The following GGA1 variants were observed in gnomAD, a reference collection of about 807,000 sequenced individuals.
The protein encoded by GGA1 is golgi associated, gamma adaptin ear containing, ARF binding protein 1, also known as ADP-ribosylation factor-binding protein GGA1.
In GGA1, 18 loss-of-function variants were observed where a neutral mutation model predicts 76.9. The observed-to-expected ratio is 0.23, with a 90% CI of 0.16 to 0.35. GGA1 has a LOEUF of 0.35. Among genes scored for constraint, GGA1 ranks in the 10% least tolerant of loss-of-function variants. GGA1 has a pLI of 1.00. For synonymous variants in GGA1, 342 were observed against 354.7 expected, an observed-to-expected ratio of 0.96 and a Z score of 0.40; for missense variants, 755 against 859.0, an observed-to-expected ratio of 0.88 and a Z score of 1.51.
At chr22:37,621,216 G>C (rs756071808) in intron 6 of GGA1, among the ~76,000 whole-genome samples, 1 of 152,180 alleles carries the variant, frequency 6.6e-6, no homozygotes, top group Non-Finnish European at 1.5e-5. Flanking sequence ...ATTAAAACTT[G>C]TGGGTGAAAA....
At chr22:37,630,194 T>C (rs1382248427) in intron 13 of GGA1, 24 bp downstream of exon 13, 10 of 1,533,076 alleles carry the variant, frequency 6.5e-6, no homozygotes, top group Non-Finnish European at 8.8e-6. Context: ...ATGGCTGGCA[T>C]GGGGTGGGGA....
chr22:37,629,054 C>T (rs1167709022), intron 11 of GGA1, among the ~76,000 whole-genome samples: 1 of 152,258 alleles, frequency 6.6e-6, no homozygotes, highest in African/African-American at 2.4e-5. Context: ...AGTCACCCAG[C>T]AGGCGTCCCT....
chr22:37,629,118 G>A (rs1931339180), intron 11 of GGA1, among the ~76,000 whole-genome samples: 1 of 152,228 alleles, frequency 6.6e-6, no homozygotes, highest in African/African-American at 2.4e-5. Context: ...GGATGCGTGA[G>A]GAAAGGAACC....
chr22:37,621,592 G>A lies in GGA1; in HGVS notation c.529-24G>A, dbSNP rs201580085. 5.6e-5 allele frequency: 85 copies of A among 1,523,762 alleles called. 1 individual carries two copies. In the Middle Eastern group the frequency reaches 7.2e-4, roughly 13 times the overall value. 94.4% of individuals were successfully genotyped at this position (1,523,762 alleles called of 1,614,324 possible). Reference sequence around the variant, plus strand: ...CCCCTGGCCCAGGTGCTGCCCTCACGGTCACACCCCTCTGTCTCTGCAGAT... The same window carrying A: ...CCCCTGGCCCAGGTGCTGCCCTCACAGTCACACCCCTCTGTCTCTGCAGAT... On this transcript the variant is annotated intron_variant, in intron 6 of 16. Transcript: ENST00000343632.
At chr22:37,618,605 G>A in intron 4 of GGA1, 59 bp downstream of exon 4, 2 of 1,069,510 alleles carry the variant, frequency 1.9e-6, no homozygotes, top group Non-Finnish European at 2.9e-6. Context: ...GAGGAAAGAG[G>A]ACCTTCAGAT....
intron 11 of GGA1, chr22:37,626,365 A>T (rs1470730779): frequency 6.5e-6 from 1 of 153,528 alleles, no homozygotes; most frequent in Non-Finnish European, 1.4e-5. Flanking sequence ...AGCCGAGGCC[A>T]GAGCGCGAGG....
At chr22:37,616,877 G>C (rs552269979) in intron 2 of GGA1, 45 bp from the exon 3 acceptor site, 3 of 1,546,802 alleles carry the variant, frequency 1.9e-6, no homozygotes, top group Non-Finnish European at 1.7e-6. Flanking sequence ...TAGGGTGACC[G>C]GGACTCCGTG....
chr22:37,616,553 C>T (rs1928828928), intron 2 of GGA1, among the ~76,000 whole-genome samples: 1 of 152,162 alleles, frequency 6.6e-6, no homozygotes. Flanking sequence ...CTGTGTCTGC[C>T]CGTCTCTCAT....
chr22:37,616,773 G>A, intron 2 of GGA1, 149 bp from the exon 3 acceptor site: 5 of 916,390 alleles, frequency 5.5e-6, no homozygotes, highest in Non-Finnish European at 7.8e-6. Context: ...GAGGGCTGAA[G>A]TCTCGGCGGC....
At chr22:37,614,556 C>T (rs1166705108) in intron 2 of GGA1, among the ~76,000 whole-genome samples, 1 of 152,238 alleles carries the variant, frequency 6.6e-6, no homozygotes, top group Non-Finnish European at 1.5e-5. Flanking sequence ...AAGACCCAGG[C>T]CTGCTGGACC....
chr22:37,630,038 A>C lies in GGA1; in HGVS notation c.1199A>C (p.Gln400Pro). The change falls in exon 13 of 17, where the codon CAG becomes CCG. Residue 400 changes from glutamine to proline, a missense_variant. Physicochemically the swap from Gln to Pro is moderately conservative, Grantham distance 76 (BLOSUM62 -1). Transcript: ENST00000343632. ...GAGCCCCCAGCCCCTGCTCTGGCCC[A>C]GGCCCCCAGTATGGAAAGCCGACCC... ...ATEPPAPALA[Q>P]APSMESRPPA... 6.3e-7 allele frequency: 1 copy of C among 1,596,048 alleles called. No homozygotes were observed. The highest frequency in any genetic ancestry group is 8.6e-7 in the Non-Finnish European group (1 of 1,169,558).
chr22:37,622,443 T>A (rs937876048), intron 7 of GGA1, among the ~76,000 whole-genome samples: 30 of 148,696 alleles, frequency 2.0e-4, no homozygotes, highest in African/African-American at 7.2e-4. Context: ...TTTTTTTTTT[T>A]AATTGAGACA....
In GGA1 at chr22:37,620,029, C is replaced by A. The variant is rs1162662614; in HGVS notation, c.304-209C>A. On this transcript the variant is annotated intron_variant, in intron 4 of 16. Transcript: ENST00000343632. ...TGGTGCCATCTAGCAGGTGGGGAAA[C>A]AGACACTGAGGGCTGACCCAGCTAA... is the stretch of plus-strand genomic sequence containing the variant. 1.1e-5 allele frequency: 7 copies of A among 632,486 alleles called. No individual in the cohort carries two copies. The Admixed American group carries it at 1.6e-4, about 15-fold the overall frequency. 39.2% of individuals were successfully genotyped at this position (632,486 alleles called of 1,614,324 possible). A position where few individuals can be genotyped will look rare whatever the true frequency, so the allele number is the denominator to read the frequency against.
intron 2 of GGA1, among the ~76,000 whole-genome samples, chr22:37,615,488 G>A (rs1385910471): frequency 3.3e-5 from 5 of 151,300 alleles, no homozygotes; most frequent in Non-Finnish European, 5.9e-5. Flanking sequence ...AAATAAGGCC[G>A]GGTGTGGTGG....
intron 2 of GGA1, among the ~76,000 whole-genome samples, chr22:37,614,555 G>T (rs1448625001): frequency 6.6e-6 from 1 of 152,206 alleles, no homozygotes; most frequent in Non-Finnish European, 1.5e-5. Context: ...TAAGACCCAG[G>T]CCTGCTGGAC....
chr22:37,614,702 G>A (rs1383092393), intron 2 of GGA1, among the ~76,000 whole-genome samples: 1 of 152,244 alleles, frequency 6.6e-6, no homozygotes, highest in African/African-American at 2.4e-5. Flanking sequence ...ATGTTGGCCA[G>A]GCACAGTGGC....
At chr22:37,628,970 C>T (rs550360874) in intron 11 of GGA1, among the ~76,000 whole-genome samples, 45 of 152,340 alleles carry the variant, frequency 3.0e-4, no homozygotes, top group Admixed American at 7.2e-4. Context: ...GGGCCTTCAG[C>T]GTCGCCTCCA....
intron 1 of GGA1, among the ~76,000 whole-genome samples, chr22:37,609,733 A>C (rs1008682897): frequency 6.6e-6 from 1 of 151,890 alleles, no homozygotes; most frequent in Admixed American, 6.6e-5. Context: ...CCGCTCCTGG[A>C]CTCTGCCTCT....
In GGA1 at chr22:37,630,149, C is replaced by A. The variant is rs1036723091; in HGVS notation, c.1310C>A (p.Pro437Gln). 1.6e-5 allele frequency: 26 copies of A among 1,590,654 alleles called. No homozygotes were observed. The highest frequency in any genetic ancestry group is 2.1e-5 in the Non-Finnish European group (25 of 1,170,064). ...ACCCTCCTGCAGCAGTCGCTGCCCCCGGAATCCCAGCAAGTGCGGTGGTGA... is the reference window on the plus strand; with the variant it reads ...ACCCTCCTGCAGCAGTCGCTGCCCCAGGAATCCCAGCAAGTGCGGTGGTGA... ...GKTLLQQSLP[P>Q]ESQQVRWEKQ... The change falls in exon 13 of 17, where the codon CCG becomes CAG. Residue 437 changes from proline (P) to glutamine (Q), a missense_variant. Transcript: ENST00000343632.
Sources: allele counts gnomAD v4.1 joint callset (sites outside exome capture counted in the v4.1 genomes callset), GRCh38; gene constraint gnomAD v4.1.1; transcripts MANE v1.5; gene names NCBI Gene and HGNC (gene_info 2026-07-23, HGNC 2026-07-21).